LUZP2: variants seen among roughly 807,000 people sequenced by gnomAD.
The protein encoded by LUZP2 is leucine zipper protein 2.
In LUZP2, 52 loss-of-function variants were observed where a neutral mutation model predicts 51.6. The observed-to-expected ratio is 1.01, with a 90% confidence interval of 0.81 to 1.27. LUZP2 has a LOEUF of 1.27. LUZP2 is among the 50% of genes most tolerant of loss of function. LUZP2 has a pLI of 0.00. For missense variants in LUZP2, 436 were observed against 395.4 expected (o/e 1.10, Z -0.87); for synonymous variants, 154 against 137.3 (o/e 1.12, Z -0.85).
chr11:25,020,541 T>C (rs1411786252), intron 9 of LUZP2, among the ~76,000 whole-genome samples: 1 of 152,108 alleles, frequency 6.6e-6, no homozygotes, highest in African/African-American at 2.4e-5. Context: ...TATGTTTCAC[T>C]AGTCACATCT....
At chr11:24,977,493 C>T (rs1340015267) in intron 8 of LUZP2, among the ~76,000 whole-genome samples, 1 of 151,378 alleles carries the variant, frequency 6.6e-6, no homozygotes, top group African/African-American at 2.4e-5. Context: ...TAAAATAACA[C>T]CAGGGATGTT....
rs139007114 is a variant in LUZP2, at chr11:24,894,395, G to A, written c.397-11596G>A. ...TCACCATGTTAGTCAGCCTGGTATC[G>A]AATTCCTGACCTCAAGTGATTCACC... On this transcript the variant is annotated intron_variant, in intron 5 of 11. Transcript: ENST00000336930. Among the ~76,000 whole-genome samples the A allele has an allele frequency of 1.9e-3, 290 of 152,114 alleles. 1 individual carries two copies. Among genetic ancestry groups the A allele is most frequent in the Admixed American group, 5.0e-3 (77 of 15,270 alleles).
chr11:24,984,524 T>TATATATATATATATATA (rs1856130241), intron 9 of LUZP2, among the ~76,000 whole-genome samples: 1 of 90,086 alleles, frequency 1.1e-5, no homozygotes, highest in Non-Finnish European at 2.2e-5. Context: ...ATTACATATT[T>TATATATATATATATATA]TATATATATA....
intron 4 of LUZP2, among the ~76,000 whole-genome samples, chr11:24,746,975 TC>T (rs1859405247): frequency 6.6e-6 from 1 of 152,224 alleles, no homozygotes; most frequent in Non-Finnish European, 1.5e-5. Context: ...TTTTTGAATT[TC>T]CTTGCACTGG....
At chr11:24,586,367 A>G (rs1269050653) in intron 1 of LUZP2, among the ~76,000 whole-genome samples, 3 of 151,920 alleles carry the variant, frequency 2.0e-5, no homozygotes, top group African/African-American at 7.2e-5. Context: ...TGTATTTTTT[A>G]TTTTTAGAAA....
At chr11:24,959,831 G>T (rs1251157475) in intron 7 of LUZP2, among the ~76,000 whole-genome samples, 1 of 152,144 alleles carries the variant, frequency 6.6e-6, no homozygotes, top group Non-Finnish European at 1.5e-5. Flanking sequence ...TCTTGTGCCA[G>T]TTTTCAAAGG....
intron 5 of LUZP2, among the ~76,000 whole-genome samples, chr11:24,790,089 A>G (rs1204533053): frequency 2.0e-5 from 3 of 152,086 alleles, no homozygotes; most frequent in Admixed American, 2.0e-4. Context: ...TCCTTCTCTC[A>G]TGTATCATAA....
At chr11:24,959,036 C>G (rs921317572) in intron 7 of LUZP2, among the ~76,000 whole-genome samples, 8 of 152,050 alleles carry the variant, frequency 5.3e-5, no homozygotes, top group Admixed American at 1.3e-4. Context: ...GCTTGTTTTT[C>G]TCAGGTTTGT....
At chr11:24,696,909 G>T (rs1857267290) in intron 1 of LUZP2, among the ~76,000 whole-genome samples, 2 of 151,950 alleles carry the variant, frequency 1.3e-5, no homozygotes, top group African/African-American at 2.4e-5. Context: ...AGCTATGCAT[G>T]GATGAAGAAA....
intron 1 of LUZP2, among the ~76,000 whole-genome samples, chr11:24,590,683 C>T (rs1458828074): frequency 6.6e-6 from 1 of 152,118 alleles, no homozygotes; most frequent in African/African-American, 2.4e-5. Context: ...ATGTAGCTAT[C>T]ATTAAGGCAG....
intron 1 of LUZP2, among the ~76,000 whole-genome samples, chr11:24,648,516 A>G (rs774696748): frequency 2.0e-5 from 3 of 151,972 alleles, no homozygotes; most frequent in Non-Finnish European, 4.4e-5. Context: ...AAACTGATAC[A>G]TGAGCTATTT....
chr11:24,556,994 C>T (rs577587465), intron 1 of LUZP2, among the ~76,000 whole-genome samples: 2 of 152,130 alleles, frequency 1.3e-5, no homozygotes, highest in African/African-American at 4.8e-5. Flanking sequence ...ATGCACTCTA[C>T]CATTATTAAT....
In LUZP2 at chr11:24,674,317, G is replaced by A. The variant is rs779907802; in HGVS notation, c.63-54852G>A. ...CAGCCTGTGACCTTCTGCTAGCCCCGACATCTCTTTCATCCTTTGGGTACT... is the reference window on the plus strand; with the variant it reads ...CAGCCTGTGACCTTCTGCTAGCCCCAACATCTCTTTCATCCTTTGGGTACT... On this transcript the variant is annotated intron_variant, in intron 1 of 11. Coordinates refer to ENST00000336930, the MANE Select transcript of LUZP2 (RefSeq NM_001009909.4). Among the ~76,000 whole-genome samples, 13 of 152,114 alleles carry A rather than the reference G, an allele frequency of 8.5e-5. No individual in the cohort carries two copies. In the East Asian group the frequency reaches 9.7e-4, roughly 11 times the overall value.
chr11:24,970,464 T>C (rs1855710762), intron 7 of LUZP2, among the ~76,000 whole-genome samples: 1 of 152,170 alleles, frequency 6.6e-6, no homozygotes, highest in African/African-American at 2.4e-5. Context: ...ACTGGATAGT[T>C]TTACCTAGAG....
intron 5 of LUZP2, among the ~76,000 whole-genome samples, chr11:24,869,268 C>T (rs2029198): frequency 0.97 from 148,282 of 152,210 alleles, 72,265 homozygotes; most frequent in Middle Eastern, 1. Context: ...AGTACAGATA[C>T]AGCCTCGTTT....
At chr11:24,629,414 T>A (rs931703323) in intron 1 of LUZP2, among the ~76,000 whole-genome samples, 14 of 150,832 alleles carry the variant, frequency 9.3e-5, no homozygotes, top group Non-Finnish European at 1.9e-4. Context: ...ACATTTATTC[T>A]TTTTTATGGC....
intron 7 of LUZP2, among the ~76,000 whole-genome samples, chr11:24,957,721 A>C (rs1354469386): frequency 6.6e-5 from 10 of 152,158 alleles, no homozygotes; most frequent in Non-Finnish European, 1.5e-5. Flanking sequence ...TATATATAAC[A>C]CATTTTCTTT....
intron 7 of LUZP2, among the ~76,000 whole-genome samples, chr11:24,951,140 T>C (rs545613416): frequency 6.6e-6 from 1 of 151,678 alleles, no homozygotes; most frequent in African/African-American, 2.4e-5. Context: ...CTTATGTAGA[T>C]TTGCGAGAAT....
chr11:24,521,858 T>C (rs974408587), intron 1 of LUZP2, among the ~76,000 whole-genome samples: 17 of 152,126 alleles, frequency 1.1e-4, no homozygotes, highest in Non-Finnish European at 2.4e-4. Context: ...TAACACATGT[T>C]TATGGAGGAA....
Sources: gnomAD v4.1 joint callset for allele counts (sites outside exome capture counted in the v4.1 genomes callset) on GRCh38, gnomAD v4.1.1 for gene constraint, MANE v1.5 for transcripts, NCBI Gene and HGNC (gene_info 2026-07-23, HGNC 2026-07-21) for gene names.